The following DEAF1 variants were observed in gnomAD, a reference collection of about 807,000 sequenced individuals.
The protein encoded by DEAF1 is DEAF1 transcription factor.
A neutral mutation model predicts 58.9 loss-of-function variants in DEAF1; 53 were observed. That is an observed-to-expected ratio of 0.90 (90% CI 0.72 to 1.13). DEAF1 has a LOEUF of 1.13. Among genes scored for constraint, DEAF1 ranks in the 50% most tolerant of loss-of-function variants. The pLI, the probability that DEAF1 is intolerant of heterozygous loss-of-function variation, is 0.00. For synonymous variants in DEAF1, 385 were observed against 340.4 expected, an observed-to-expected ratio of 1.13 and a Z score of -1.44; for missense variants, 685 against 791.4, an observed-to-expected ratio of 0.87 and a Z score of 1.61.
chr11:644,705 T>A lies in DEAF1; in HGVS notation c.1594-51A>T. 6.8e-7 allele frequency: 1 copy of A among 1,474,608 alleles called. No homozygotes were observed. The highest frequency in any genetic ancestry group is 9.3e-7 in the Non-Finnish European group (1 of 1,079,478). The allele number at this position is 1,474,608 out of a possible 1,614,324, so 91.3% of individuals were successfully genotyped here. A position where few individuals can be genotyped will look rare whatever the true frequency, so the allele number is the denominator to read the frequency against. On this transcript the variant is annotated intron_variant, in intron 11 of 11. Coordinates refer to ENST00000382409, the MANE Select transcript of DEAF1 (RefSeq NM_021008.4). This position sits in a 1 kb window ranked among gnomAD's most constrained non-coding sequence, Gnocchi z 4.3. ...AGCAGGGTCAGTGGGTGGAGCAGGG[T>A]CTGGGCAGGGTCCCCAAGGCAGACC...
chr11:696,843 G>C (rs1861200962), upstream of DEAF1, among the ~76,000 whole-genome samples: 1 of 69,754 alleles, frequency 1.4e-5, no homozygotes, highest in Non-Finnish European at 3.2e-5. Context: ...ACTTTGGGAG[G>C]CCAAAGCGGG....
chr11:679,820 G>C lies in DEAF1; in HGVS notation c.998-4C>G. ...TGTCCCGAGGGGGTCACGGTGACTG[G>C]AAAGGCAGAAGCACATTTCACGCGG... is the stretch of plus-strand genomic sequence containing the variant. On this transcript the variant is annotated splice_polypyrimidine_tract_variant and splice_region_variant and intron_variant, in intron 7 of 11. Coordinates refer to ENST00000382409, the MANE Select transcript of DEAF1 (RefSeq NM_021008.4). 6.2e-7 allele frequency: 1 copy of C among 1,613,144 alleles called. No homozygotes were observed. Among genetic ancestry groups the C allele is most frequent in the Non-Finnish European group, 8.5e-7 (1 of 1,180,032 alleles).
intron 1 of DEAF1, among the ~76,000 whole-genome samples, chr11:705,666 C>T (rs1269365880): frequency 6.6e-6 from 1 of 152,188 alleles, no homozygotes; most frequent in Admixed American, 6.5e-5. Flanking sequence ...TCACCGAAGC[C>T]TCTGCCCCTG....
Position 684,882 on chromosome 11 carries a change from C to T in DEAF1, c.870+16G>A. 1 of 1,551,368 alleles carries T rather than the reference C, an allele frequency of 6.4e-7. No homozygotes were observed. On this transcript the variant is annotated intron_variant, in intron 6 of 11. Transcript: ENST00000382409. ...CCCCACCAAGTCATCCTGTTCCAGA[C>T]ACGCTGGCCACTTACTAAGGTCATG...
At chr11:665,895 GCA>G (rs1859503028) in intron 10 of DEAF1, 1 of 152,328 alleles carries the variant, frequency 6.6e-6, no homozygotes, top group Non-Finnish European at 1.5e-5. Context: ...AAAGGAGCAA[GCA>G]CAGAGAGAGG....
At chr11:703,464 A>C in intron 1 of DEAF1, 2 of 1,260,250 alleles carry the variant, frequency 1.6e-6, no homozygotes, top group Non-Finnish European at 1.0e-6. Context: ...GCCTCCACAG[A>C]CCCCCATGGG....
chr11:696,110 C>T (rs1861140908), upstream of DEAF1, among the ~76,000 whole-genome samples: 2 of 152,098 alleles, frequency 1.3e-5, 1 homozygote, highest in African/African-American at 4.8e-5. Flanking sequence ...GGGCCCCAGT[C>T]CCCGGCAGCT....
intron 10 of DEAF1, chr11:654,474 C>T: frequency 2.2e-6 from 1 of 454,064 alleles, no homozygotes; most frequent in Non-Finnish European, 4.4e-6. Flanking sequence ...TCCCATTGGA[C>T]TCTTGACTGC....
chr11:644,316 A>G lies in DEAF1; in HGVS notation c.*234T>C, dbSNP rs1234744748. On this transcript the variant is annotated 3_prime_UTR_variant, in exon 12 of 12. Transcript: ENST00000382409. This position sits in a 1 kb window ranked among gnomAD's most constrained non-coding sequence, Gnocchi z 4.3. ...GCCCTGTGGGCAAGACCGGACGCTCATGATCCCAGGGATAAAAAATCTGTC... is the reference window on the plus strand; with the variant it reads ...GCCCTGTGGGCAAGACCGGACGCTCGTGATCCCAGGGATAAAAAATCTGTC... The G allele has an allele frequency of 8.2e-6, 5 of 606,232 alleles. No homozygotes were observed. The highest frequency in any genetic ancestry group is 5.2e-5 in the Admixed American group (2 of 38,126). The allele number at this position is 606,232 out of a possible 1,614,324, so 37.6% of individuals were successfully genotyped here.
chr11:695,006 A>C lies in DEAF1; in HGVS notation c.42T>G (p.Ala14=). 1 of 1,276,562 alleles carries C rather than the reference A, an allele frequency of 7.8e-7. No individual in the cohort carries two copies. Among genetic ancestry groups the C allele is most frequent in the Non-Finnish European group, 9.9e-7 (1 of 1,009,748 alleles). The allele number at this position is 1,276,562 out of a possible 1,614,324, so 79.1% of individuals were successfully genotyped here. ...CCGCGGCCGCCACCGCCGCCGCCTC[A>C]GCCAGGCCCAGCTGCTTTGCCGCCG... is the stretch of plus-strand genomic sequence containing the variant. ...SDSAAKQLGL[A]EAAAVAAAAA... is the part of the protein sequence containing the mutation. Residue 14 remains alanine (A), a synonymous_variant, in exon 1 of 12, where the codon GCT becomes GCG. Coordinates refer to ENST00000382409, the MANE Select transcript of DEAF1 (RefSeq NM_021008.4).
intron 10 of DEAF1, among the ~76,000 whole-genome samples, chr11:672,690 T>C (rs1243399692): frequency 2.0e-5 from 3 of 151,670 alleles, no homozygotes; most frequent in Admixed American, 6.6e-5. Flanking sequence ...CTACTAAAAA[T>C]ACAAAAAATC....
intron 4 of DEAF1, among the ~76,000 whole-genome samples, chr11:687,447 G>A (rs1219539541): frequency 6.6e-6 from 1 of 152,274 alleles, no homozygotes; most frequent in East Asian, 1.9e-4. Context: ...CCTCAGCTCA[G>A]TTCACAGGAA....
At chr11:700,495 C>T (rs1861400364) in intron 1 of DEAF1, 2 of 869,724 alleles carry the variant, frequency 2.3e-6, no homozygotes, top group South Asian at 1.4e-5. Flanking sequence ...CCACTGAACT[C>T]CATCCTGGGT....
upstream of DEAF1, among the ~76,000 whole-genome samples, chr11:696,390 T>G (rs1197232414): frequency 1.3e-5 from 2 of 152,118 alleles, no homozygotes; most frequent in Admixed American, 1.3e-4. Context: ...CTCTAGTAAT[T>G]AGGTGCATTG....
chr11:669,383 T>C (rs1251487416), intron 10 of DEAF1, among the ~76,000 whole-genome samples: 1 of 152,120 alleles, frequency 6.6e-6, no homozygotes. Flanking sequence ...ACACCTGTCA[T>C]CTCAGCACTT....
intron 11 of DEAF1, among the ~76,000 whole-genome samples, chr11:650,822 C>T (rs1017564048): frequency 2.0e-5 from 3 of 151,938 alleles, no homozygotes; most frequent in African/African-American, 4.8e-5. Context: ...GGGCGTGGGG[C>T]GTGTATCTGT....
At chr11:651,515 T>C (rs1858772596) in intron 11 of DEAF1, 1 of 250,344 alleles carries the variant, frequency 4.0e-6, no homozygotes, top group Non-Finnish European at 7.7e-6. Context: ...ATGATAATTA[T>C]AAACTAAACA....
At chr11:660,121 G>C (rs1859257513) in intron 10 of DEAF1, among the ~76,000 whole-genome samples, 1 of 152,210 alleles carries the variant, frequency 6.6e-6, no homozygotes, top group African/African-American at 2.4e-5. Context: ...TTAAAAGTAA[G>C]AGAAATGCAA....
At chr11:701,487 T>G (rs1158267634) in intron 1 of DEAF1, among the ~76,000 whole-genome samples, 1 of 143,166 alleles carries the variant, frequency 7.0e-6, no homozygotes, top group African/African-American at 2.6e-5. Flanking sequence ...CTTGGCTCAC[T>G]GCAAGCTCCG....
Sources: allele counts gnomAD v4.1 joint callset (sites outside exome capture counted in the v4.1 genomes callset), GRCh38; gene constraint gnomAD v4.1.1; non-coding constraint Gnocchi (gnomAD v3.1); transcripts MANE v1.5; gene names NCBI Gene and HGNC (gene_info 2026-07-23, HGNC 2026-07-21).